SLC71A2: variants seen among roughly 807,000 people sequenced by gnomAD.
SLC71A2 encodes solute carrier family 71 member 2, also known as hippocampus abundant transcript-like 1.
At chr9:94,446,758 C>T in the SLC71A2 span, 3 of 818,666 alleles carry the variant, frequency 3.7e-6, no homozygotes, top group Non-Finnish European at 6.3e-6. Context: ...AAGCTGATGT[C>T]CCAGAACATT....
chr9:94,383,061 CA>C, the SLC71A2 span, among the ~76,000 whole-genome samples: 1 of 150,042 alleles, frequency 6.7e-6, no homozygotes, highest in African/African-American at 2.4e-5. Flanking sequence ...ATTTTGATTA[CA>C]TTTTTATATG....
chr9:94,411,079 A>G, the SLC71A2 span, among the ~76,000 whole-genome samples: 2 of 152,026 alleles, frequency 1.3e-5, no homozygotes, highest in African/African-American at 4.8e-5. Flanking sequence ...CAGTCTTAGG[A>G]TATGGCAGGA....
the SLC71A2 span, among the ~76,000 whole-genome samples, chr9:94,449,514 G>T: frequency 6.6e-6 from 1 of 152,314 alleles, no homozygotes; most frequent in East Asian, 1.9e-4. Flanking sequence ...AGCCGTCAAG[G>T]ACATGCAAGT....
the SLC71A2 span, chr9:94,456,356 A>C: frequency 1.2e-6 from 2 of 1,600,514 alleles, no homozygotes; most frequent in Non-Finnish European, 1.7e-6. Flanking sequence ...ACTGCCCCCC[A>C]CTTGTTTTTC....
chr9:94,453,400 G>A, the SLC71A2 span, among the ~76,000 whole-genome samples: 1 of 151,918 alleles, frequency 6.6e-6, no homozygotes, highest in Non-Finnish European at 1.5e-5. Flanking sequence ...TGCTTGCCTC[G>A]GCCTCCCAAA....
the SLC71A2 span, among the ~76,000 whole-genome samples, chr9:94,407,093 C>A: frequency 6.7e-6 from 1 of 148,676 alleles, no homozygotes; most frequent in African/African-American, 2.5e-5. Context: ...TAATTTTATT[C>A]TTTTCTTAGC....
chr9:94,439,318 T>TTTTTTTC, the SLC71A2 span, among the ~76,000 whole-genome samples: 2 of 151,474 alleles, frequency 1.3e-5, no homozygotes, highest in Non-Finnish European at 2.9e-5. Flanking sequence ...AATTTTTTTT[T>TTTTTTTC]TTTTTTCTTT....
the SLC71A2 span, among the ~76,000 whole-genome samples, chr9:94,417,939 C>T: frequency 6.7e-6 from 1 of 149,066 alleles, no homozygotes; most frequent in Non-Finnish European, 1.5e-5. Flanking sequence ...TCCCTGCATC[C>T]TCCGCCTCCC....
the SLC71A2 span, among the ~76,000 whole-genome samples, chr9:94,457,527 C>T: frequency 6.6e-6 from 1 of 151,960 alleles, no homozygotes; most frequent in South Asian, 2.1e-4. Context: ...GAAGACCACA[C>T]ATTCTGTATG....
chr9:94,405,170 G>A, the SLC71A2 span, among the ~76,000 whole-genome samples: 1 of 151,896 alleles, frequency 6.6e-6, no homozygotes, highest in Non-Finnish European at 1.5e-5. Context: ...TTTACTTCTG[G>A]GCTTTTTATT....
At chr9:94,439,276 G>A in the SLC71A2 span, among the ~76,000 whole-genome samples, 1 of 150,616 alleles carries the variant, frequency 6.6e-6, no homozygotes, top group Non-Finnish European at 1.5e-5. Flanking sequence ...CAAAGTGCTG[G>A]GATTACAGGC....
the SLC71A2 span, among the ~76,000 whole-genome samples, chr9:94,417,608 C>T: frequency 1.3e-5 from 2 of 152,104 alleles, no homozygotes; most frequent in African/African-American, 2.4e-5. Context: ...GCCTGGGCAA[C>T]GAGTGCAAAA....
chr9:94,458,178 C>A, the SLC71A2 span: 1 of 591,228 alleles, frequency 1.7e-6, no homozygotes. Flanking sequence ...TAAAGTCTTC[C>A]TAATCTACTT....
chr9:94,390,156 G>C, the SLC71A2 span, among the ~76,000 whole-genome samples: 2 of 152,138 alleles, frequency 1.3e-5, no homozygotes, highest in African/African-American at 4.8e-5. Context: ...GGAGCTTGCA[G>C]TGAGCCGAGA....
the SLC71A2 span, among the ~76,000 whole-genome samples, chr9:94,455,084 T>G: frequency 6.6e-6 from 1 of 151,764 alleles, no homozygotes; most frequent in Non-Finnish European, 1.5e-5. Context: ...TTAGTTATCA[T>G]GTTTAGTTTG....
chr9:94,447,933 T>G, the SLC71A2 span, among the ~76,000 whole-genome samples: 1 of 152,182 alleles, frequency 6.6e-6, no homozygotes, highest in Non-Finnish European at 1.5e-5. Context: ...ATTGGTTTCT[T>G]TCAATTAATA....
chr9:94,422,794 T>C, the SLC71A2 span, among the ~76,000 whole-genome samples: 1 of 152,240 alleles, frequency 6.6e-6, no homozygotes, highest in South Asian at 2.1e-4. Flanking sequence ...TTTTAAAAAA[T>C]TGGGTTGTGT....
chr9:94,442,293 A>G, the SLC71A2 span, among the ~76,000 whole-genome samples: 4 of 152,164 alleles, frequency 2.6e-5, no homozygotes, highest in East Asian at 1.9e-4. Flanking sequence ...ATGGGTTACT[A>G]CTATTCCACA....
At chr9:94,428,595 C>A in the SLC71A2 span, among the ~76,000 whole-genome samples, 34 of 145,116 alleles carry the variant, frequency 2.3e-4, no homozygotes, top group African/African-American at 8.4e-4. Context: ...TGCATACCCC[C>A]CCCCCTTTTT....
Sources: gnomAD v4.1 joint callset for allele counts (sites outside exome capture counted in the v4.1 genomes callset) on GRCh38, gnomAD v4.1.1 for gene constraint, MANE v1.5 for transcripts, NCBI Gene and HGNC (gene_info 2026-07-23, HGNC 2026-07-21) for gene names.